Variants in CCDC88B observed in about 807,000 individuals in gnomAD.
The protein encoded by CCDC88B is coiled-coil and HOOK domain protein 88B, also known as coiled-coil domain-containing protein 88B.
A neutral mutation model predicts 183.7 loss-of-function variants in CCDC88B; 138 were observed. The observed-to-expected ratio is 0.75, with a 90% CI of 0.65 to 0.87. The LOEUF (loss-of-function observed/expected upper bound fraction) is 0.87, where lower values mean the gene tolerates loss of function less well. Among genes scored for constraint, CCDC88B ranks in the 40% least tolerant of loss-of-function variants. CCDC88B has a pLI of 0.00. For synonymous variants in CCDC88B, 835 were observed against 867.5 expected (o/e 0.96, Z 0.66); for missense variants, 1,822 against 1,965.6 (o/e 0.93, Z 1.38).
In CCDC88B at chr11:64,345,011, G is replaced by C; in HGVS notation, c.2470G>C (p.Glu824Gln). The C allele has an allele frequency of 1.3e-6, 2 of 1,547,186 alleles. No individual in the cohort carries two copies. Among genetic ancestry groups the C allele is most frequent in the Non-Finnish European group, 1.7e-6 (2 of 1,148,144 alleles). The change falls in exon 14 of 27, where the codon GAG (glutamate) becomes CAG (glutamine). Residue 824 changes from glutamate (E) to glutamine (Q), a missense_variant. Transcript: ENST00000356786. ...GGAGGCGCTGGCAGCAGCGGGCCGGGAGCGGAGGCAGTGGGAGCGTGAGGG... is the reference window on the plus strand; with the variant it reads ...GGAGGCGCTGGCAGCAGCGGGCCGGCAGCGGAGGCAGTGGGAGCGTGAGGG... Reference protein sequence around the residue: ...LVEALAAAGRERRQWEREGSR... With the variant: ...LVEALAAAGRQRRQWEREGSR...
chr11:64,352,093 C>T, intron 18 of CCDC88B, 37 bp from the exon 19 acceptor site: 4 of 1,516,806 alleles, frequency 2.6e-6, no homozygotes, highest in Non-Finnish European at 3.5e-6. Context: ...GCCAGGGGTT[C>T]CTCCCCAGCA....
intron 14 of CCDC88B, 198 bp from the exon 15 acceptor site, chr11:64,349,133 C>A: frequency 1.3e-6 from 1 of 741,072 alleles, no homozygotes; most frequent in Non-Finnish European, 2.4e-6. Flanking sequence ...GCTTACAACA[C>A]CCAGCTCTTT....
chr11:64,340,514 C>T (rs112892649), intron 1 of CCDC88B, 93 bp from the exon 2 acceptor site: 35 of 1,514,956 alleles, frequency 2.3e-5, no homozygotes, highest in African/African-American at 1.4e-4. Context: ...ACTCAGAGGA[C>T]GGGTGAGAAG....
chr11:64,348,812 A>G, intron 14 of CCDC88B: 1 of 586,798 alleles, frequency 1.7e-6, no homozygotes, highest in Non-Finnish European at 3.1e-6. Flanking sequence ...CCAACCGCCA[A>G]AGGCCACAGG....
Position 64,343,283 on chromosome 11 carries a change from C to A in CCDC88B, c.1167C>A (p.Arg389=). The change falls in exon 11 of 27, where the codon CGC becomes CGA. Residue 389 remains arginine (R), a synonymous_variant. Transcript: ENST00000356786. ...ERCARLHETQ[R]ENLLLRTRLG... ...GCGCCCGGCTGCACGAGACCCAGCG[C>A]GAGAACCTGCTGCTGCGAACCCGGC... 1 of 1,549,970 alleles carries A rather than the reference C, an allele frequency of 6.5e-7. No individual in the cohort carries two copies. Among genetic ancestry groups the A allele is most frequent in the Non-Finnish European group, 8.7e-7 (1 of 1,146,822 alleles).
Position 64,344,921 on chromosome 11 carries a change from C to G in CCDC88B, c.2380C>G (p.Arg794Gly). 6.4e-7 allele frequency: 1 copy of G among 1,570,548 alleles called. No individual in the cohort carries two copies. Among genetic ancestry groups the G allele is most frequent in the Non-Finnish European group, 8.6e-7 (1 of 1,158,204 alleles). ...EAQAWEQARL[R>G]EAVEAAGQEL... Reference sequence around the variant, plus strand: ...CCAGGCCTGGGAGCAAGCCCGGCTGCGGGAGGCAGTGGAGGCTGCTGGCCA... The same window carrying G: ...CCAGGCCTGGGAGCAAGCCCGGCTGGGGGAGGCAGTGGAGGCTGCTGGCCA... Residue 794 changes from arginine to glycine, a missense_variant, in exon 14 of 27, where the codon CGG (arginine) becomes GGG (glycine). Physicochemically the swap from Arg to Gly is moderately radical, Grantham distance 125. Coordinates refer to ENST00000356786, the MANE Select transcript of CCDC88B (RefSeq NM_032251.6). This position sits in a 1 kb window ranked among gnomAD's most constrained non-coding sequence, Gnocchi z 4.5.
At position 64,351,567 on chromosome 11, in the gene CCDC88B, A is replaced by T; in HGVS notation, c.3050A>T (p.Glu1017Val). The change falls in exon 18 of 27, where the codon GAG (glutamate) becomes GTG (valine). Residue 1017 changes from glutamate to valine, a missense_variant. Coordinates refer to ENST00000356786, the MANE Select transcript of CCDC88B (RefSeq NM_032251.6). ...GGGAGCCTGCAGGGCCGTGCCCAGG[A>T]GCTGCTGCTGCAGAGCCAGCGGGCG... The part of the protein sequence containing the change: ...QLGSLQGRAQ[E>V]LLLQSQRAQE... The T allele has an allele frequency of 6.4e-7, 1 of 1,565,698 alleles. No individual in the cohort carries two copies. Among genetic ancestry groups the T allele is most frequent in the Non-Finnish European group, 8.6e-7 (1 of 1,164,080 alleles).
intron 17 of CCDC88B, 24 bp from the exon 18 acceptor site, chr11:64,351,451 AT>A (rs2036327900): frequency 1.9e-6 from 3 of 1,576,540 alleles, no homozygotes; most frequent in African/African-American, 2.7e-5. Flanking sequence ...CCACCTGGCT[AT>A]TGCTAACCCC....
At chr11:64,353,317 T>C (rs1293215788) in intron 21 of CCDC88B, 34 bp from the exon 22 acceptor site, 3 of 1,607,394 alleles carry the variant, frequency 1.9e-6, no homozygotes, top group Non-Finnish European at 1.7e-6. Flanking sequence ...CTGAGCTGGG[T>C]CCCACCCTCC....
intron 14 of CCDC88B, among the ~76,000 whole-genome samples, chr11:64,345,936 C>T (rs1157475158): frequency 3.3e-5 from 5 of 152,156 alleles, no homozygotes; most frequent in African/African-American, 9.7e-5. Context: ...ACCCGGAAGG[C>T]GGAGGTTGCA....
Position 64,344,978 on chromosome 11 carries a change from G to A in CCDC88B, c.2437G>A (p.Ala813Thr), listed in dbSNP as rs769836068. 33 of 1,548,834 alleles carry A rather than the reference G, an allele frequency of 2.1e-5. No individual in the cohort carries two copies. The highest frequency in any genetic ancestry group is 2.5e-5 in the Non-Finnish European group (29 of 1,148,176). ...GGAGTCTGCGTCCCAGGAACGGGAG[G>A]CGCTGGTGGAGGCGCTGGCAGCAGC... ...ELESASQERE[A>T]LVEALAAAGR... Residue 813 changes from alanine (A) to threonine (T), a missense_variant, in exon 14 of 27, where the codon GCG becomes ACG. By Grantham distance (58) the Ala-to-Thr change is moderately conservative. Coordinates refer to ENST00000356786, the MANE Select transcript of CCDC88B (RefSeq NM_032251.6). The surrounding 1 kb of genome is among the most constrained non-coding windows in gnomAD (Gnocchi z 4.5).
Position 64,351,415 on chromosome 11 carries a change from G to A in CCDC88B, c.2959-61G>A. ...CCCCATGCAGTGTGAGTGTGGGCCT[G>A]TGGTAGGCACTAGGGGGTGCCCCCG... On this transcript the variant is annotated intron_variant, in intron 17 of 26. Coordinates refer to ENST00000356786, the MANE Select transcript of CCDC88B (RefSeq NM_032251.6). 1.9e-6 allele frequency: 3 copies of A among 1,546,946 alleles called. No homozygotes were observed. In the South Asian group the frequency reaches 3.5e-5, roughly 18 times the overall value.
Position 64,344,364 on chromosome 11 carries a change from A to G in CCDC88B, c.1823A>G (p.Gln608Arg), listed in dbSNP as rs769375942. 1.1e-5 allele frequency: 18 copies of G among 1,589,340 alleles called. No homozygotes were observed. In the South Asian group the frequency reaches 1.9e-4, roughly 17 times the overall value. Residue 608 changes from glutamine (Q) to arginine (R), a missense_variant, in exon 14 of 27, where the codon CAG (glutamine) becomes CGG (arginine). Gln to Arg is a conservative substitution (Grantham distance 43). Transcript: ENST00000356786. The surrounding 1 kb of genome is among the most constrained non-coding windows in gnomAD (Gnocchi z 4.5). Reference sequence around the variant, plus strand: ...AGCCCTGCCTCTGTGGCCCCACCTCAGGGTCCAGGGACCAAAATTCAGGCC... The same window carrying G: ...AGCCCTGCCTCTGTGGCCCCACCTCGGGGTCCAGGGACCAAAATTCAGGCC... The part of the protein sequence containing the change: ...LQSPASVAPP[Q>R]GPGTKIQAPQ...
chr11:64,340,646 T>C lies in CCDC88B; in HGVS notation c.100T>C (p.Ser34Pro), dbSNP rs534006867. The change falls in exon 2 of 27, where the codon TCG (serine) becomes CCG (proline). Residue 34 changes from serine (S) to proline (P), a missense_variant. Ser to Pro is a moderately conservative substitution (Grantham distance 74). Transcript: ENST00000356786. ...LAGLVGEAED[S>P]EGEEEEEEEE... ...CGGGCTGGTCGGGGAGGCGGAGGAC[T>C]CGGAGGGGGAAGAAGAGGAAGAGGA... 4 of 1,610,880 alleles carry C rather than the reference T, an allele frequency of 2.5e-6. No homozygotes were observed. The highest frequency in any genetic ancestry group is 2.2e-5 in the South Asian group (2 of 91,046).
chr11:64,344,679 GC>G lies in CCDC88B; in HGVS notation c.2141del (p.Pro714GlnfsTer24). On this transcript the variant is annotated frameshift_variant, in exon 14 of 27. Coordinates refer to ENST00000356786, the MANE Select transcript of CCDC88B (RefSeq NM_032251.6). LOFTEE classifies it high-confidence loss of function. The surrounding 1 kb of genome is among the most constrained non-coding windows in gnomAD (Gnocchi z 4.5). ...EGALEVQVWE[G>X]PIPGESLASG... is the part of the protein sequence containing the mutation. ...GCTCTTGAGGTCCAGGTCTGGGAAGGCCCAATCCCAGGGGAGAGCCTGGCCA... is the reference window on the plus strand; with the variant it reads ...GCTCTTGAGGTCCAGGTCTGGGAAGGCCAATCCCAGGGGAGAGCCTGGCCA... The G allele has an allele frequency of 6.2e-7, 1 of 1,614,116 alleles. No individual in the cohort carries two copies. Among genetic ancestry groups the G allele is most frequent in the Middle Eastern group, 1.7e-4 (1 of 6,048 alleles).
rs768313878 is a variant in CCDC88B at position 64,353,835 on chromosome 11, C to T, written c.3932+22C>T. The T allele has an allele frequency of 1.9e-6, 3 of 1,613,110 alleles. No homozygotes were observed. In the South Asian group the frequency reaches 3.3e-5, roughly 18 times the overall value. On this transcript the variant is annotated intron_variant, in intron 23 of 26. Transcript: ENST00000356786. The stretch of plus-strand genomic sequence containing the variant: ...CCAAGTGAGCAGCCCTGTCACCTCC[C>T]TCAGGCTGGACATCCTGCTAACCTC...
Position 64,340,729 on chromosome 11 carries a change from GCTCCTC to G in CCDC88B, c.185_190del (p.Leu62_Leu63del), listed in dbSNP as rs1565391999. ...TCCTGCGCCTCAGCGATGGGGCCCT[GCTCCTC>G]CGGGTGCTGGGCATCATGTAAGGGG... On this transcript the variant is annotated inframe_deletion, in exon 2 of 27. Transcript: ENST00000356786. 6.2e-7 allele frequency: 1 copy of G among 1,611,780 alleles called. No individual in the cohort carries two copies.
At chr11:64,343,712 T>C in intron 12 of CCDC88B, 66 bp from the exon 13 acceptor site, 1 of 1,531,570 alleles carries the variant, frequency 6.5e-7, no homozygotes, top group Non-Finnish European at 8.8e-7. Flanking sequence ...CTCCCAAGCC[T>C]CTGGGGTGTG....
chr11:64,341,117 G>A lies in CCDC88B; in HGVS notation c.327G>A (p.Leu109=). The change falls in exon 4 of 27, where the codon CTG becomes CTA. Residue 109 remains leucine, a synonymous_variant. Transcript: ENST00000356786. ...GRLRDFYQEE[L]QLLILSPPPD... ...TGCCTCTCTGCCTCCAGGAGGAGCTGCAGCTGCTGATCCTGTCGCCACCCC... is the reference window on the plus strand; with the variant it reads ...TGCCTCTCTGCCTCCAGGAGGAGCTACAGCTGCTGATCCTGTCGCCACCCC... 6.2e-7 allele frequency: 1 copy of A among 1,614,098 alleles called. No homozygotes were observed. The highest frequency in any genetic ancestry group is 8.5e-7 in the Non-Finnish European group (1 of 1,180,006).
Sources: gnomAD v4.1 joint callset for allele counts (sites outside exome capture counted in the v4.1 genomes callset) on GRCh38, gnomAD v4.1.1 for gene constraint, Gnocchi (gnomAD v3.1) non-coding constraint, MANE v1.5 for transcripts, NCBI Gene and HGNC (gene_info 2026-07-23, HGNC 2026-07-21) for gene names.